FBXO2: variants seen among roughly 807,000 people sequenced by gnomAD.
The protein encoded by FBXO2 is F-box protein 2, also known as F-box only protein 2.
A neutral mutation model predicts 38.6 loss-of-function variants in FBXO2; 32 were observed. That is an observed-to-expected ratio of 0.83 (90% CI 0.62 to 1.11). The LOEUF (loss-of-function observed/expected upper bound fraction) is 1.11. FBXO2 is among the 50% of genes most tolerant of loss of function. The probability of loss-of-function intolerance (pLI) is 0.00; values close to 1 mark genes in which losing one functional copy is unlikely to be tolerated. For synonymous variants in FBXO2, 189 were observed against 182.9 expected (o/e 1.03, Z -0.27); for missense variants, 450 against 418.3 (o/e 1.08, Z -0.66).
intron 2 of FBXO2, 89 bp from the exon 3 acceptor site, chr1:11,650,163 C>A: frequency 1.9e-6 from 3 of 1,562,608 alleles, no homozygotes; most frequent in South Asian, 1.2e-5. Context: ...GGGCAAAGGT[C>A]GCACTTGGTG....
chr1:11,654,228 C>T, intron 1 of FBXO2, 91 bp downstream of exon 1: 1 of 1,366,146 alleles, frequency 7.3e-7, no homozygotes, highest in African/African-American at 1.5e-5. Flanking sequence ...GTCTCCGGGT[C>T]CCCTCGCTCT....
intron 1 of FBXO2, 27 bp downstream of exon 1, chr1:11,654,292 G>A (rs1429833520): frequency 8.1e-6 from 12 of 1,489,060 alleles, no homozygotes; most frequent in Non-Finnish European, 1.1e-5. Flanking sequence ...CCTCCCCGCC[G>A]CAGCGAGCGG....
chr1:11,651,478 C>T (rs887529026), intron 1 of FBXO2, among the ~76,000 whole-genome samples: 3 of 152,162 alleles, frequency 2.0e-5, no homozygotes, highest in Non-Finnish European at 4.4e-5. Flanking sequence ...ACTTCATTTA[C>T]TCTTTAAATC....
chr1:11,653,466 G>C (rs570713947), intron 1 of FBXO2: 1 of 152,558 alleles, frequency 6.6e-6, no homozygotes, highest in Non-Finnish European at 1.5e-5. Context: ...GCCCTACAGA[G>C]GGTGTGGCCA....
Position 11,649,053 on chromosome 1 carries a change from C to A in FBXO2, c.756+34G>T, listed in dbSNP as rs1295099987. ...TCGAGCCACGCCCCTCATGTCCGTG[C>A]CCCACCCCTCCGCCCTGGGTCCCCC... On this transcript the variant is annotated intron_variant, in intron 5 of 5. Coordinates refer to ENST00000354287, the MANE Select transcript of FBXO2 (RefSeq NM_012168.6). 16 of 1,564,438 alleles carry A rather than the reference C, an allele frequency of 1.0e-5. No individual in the cohort carries two copies. The Admixed American group carries it at 2.5e-4, about 25-fold the overall frequency.
At chr1:11,649,064 C>T in intron 5 of FBXO2, 23 bp downstream of exon 5, 1 of 1,577,028 alleles carries the variant, frequency 6.3e-7, no homozygotes, top group African/African-American at 1.4e-5. Context: ...CCCACCCCTC[C>T]GCCCTGGGTC....
rs1166729494 is a variant in FBXO2 at position 11,650,656 on chromosome 1, C to T, written c.201G>A (p.Leu67=). Residue 67 remains leucine (L), a synonymous_variant, in exon 2 of 6, where the codon CTG becomes CTA. Coordinates refer to ENST00000354287, the MANE Select transcript of FBXO2 (RefSeq NM_012168.6). ...GGCACACCAGGCGGCAGGCCTGCAC[C>T]AGCTCGGCGGCCGGCAGTGCGGCCA... ...RVLAALPAAE[L]VQACRLVCLR... 6.4e-7 allele frequency: 1 copy of T among 1,556,192 alleles called. No individual in the cohort carries two copies. The highest frequency in any genetic ancestry group is 1.9e-5 in the Admixed American group (1 of 53,756).
intron 1 of FBXO2, among the ~76,000 whole-genome samples, chr1:11,651,098 G>A (rs1639513579): frequency 6.6e-6 from 1 of 152,192 alleles, no homozygotes; most frequent in Non-Finnish European, 1.5e-5. Context: ...TGGGCAGATG[G>A]CAACAAGGAT....
At chr1:11,653,731 C>T (rs1357318957) in intron 1 of FBXO2, among the ~76,000 whole-genome samples, 1 of 152,140 alleles carries the variant, frequency 6.6e-6, no homozygotes, top group Non-Finnish European at 1.5e-5. Flanking sequence ...GGTGAGGGGT[C>T]TTGGGTGCCA....
In FBXO2 at chr1:11,649,113, C is replaced by A; in HGVS notation, c.730G>T (p.Asp244Tyr). The change falls in exon 5 of 6, where the codon GAC (aspartate) becomes TAC (tyrosine). Residue 244 changes from aspartate to tyrosine, a missense_variant. Transcript: ENST00000354287. ...FSSGQVAVPQ[D>Y]SDGGGWMEIS... ...TCCATCCAGCCCCCGCCGTCACTGT[C>A]TTGGGGCACTGCCACCTGCCCGCTG... The A allele has an allele frequency of 6.3e-7, 1 of 1,599,110 alleles. No homozygotes were observed. The highest frequency in any genetic ancestry group is 1.7e-5 in the Admixed American group (1 of 58,772).
chr1:11,649,810 T>C lies in FBXO2; in HGVS notation c.586A>G (p.Thr196Ala). ...TTCACCACGATGGCCGGCTGAGTCG[T>C]GTCCAGCAGCTCCTCCCAGTAGCCC... ...AEGYWEELLD[T>A]TQPAIVVKDW... Residue 196 changes from threonine to alanine, a missense_variant, in exon 4 of 6, where the codon ACG (threonine) becomes GCG (alanine). Thr to Ala is a moderately conservative substitution (Grantham distance 58, BLOSUM62 0). Transcript: ENST00000354287. 1.2e-6 allele frequency: 2 copies of C among 1,613,976 alleles called. No individual in the cohort carries two copies. The highest frequency in any genetic ancestry group is 1.7e-6 in the Non-Finnish European group (2 of 1,180,002).
intron 4 of FBXO2, 32 bp from the exon 5 acceptor site, chr1:11,649,257 G>T: frequency 7.0e-7 from 1 of 1,426,806 alleles, no homozygotes; most frequent in Non-Finnish European, 9.5e-7. Context: ...GGTGGGGGGC[G>T]GGAGGTGGGG....
Position 11,650,474 on chromosome 1 carries a change from C to T in FBXO2, c.383G>A (p.Cys128Tyr). ...CAGCGAGGGCCTCTCACCTTCCCCA[C>T]ACGGGTTACGCAGAAGGTTGCGGCG... Reference protein sequence around the residue: ...KRRRNLLRNPCGEEDLEGWCD... With the variant: ...KRRRNLLRNPYGEEDLEGWCD... Residue 128 changes from cysteine (C) to tyrosine (Y), a missense_variant, in exon 2 of 6, where the codon TGT (cysteine) becomes TAT (tyrosine). Coordinates refer to ENST00000354287, the MANE Select transcript of FBXO2 (RefSeq NM_012168.6). The T allele has an allele frequency of 6.2e-7, 1 of 1,609,398 alleles. No homozygotes were observed. The highest frequency in any genetic ancestry group is 8.5e-7 in the Non-Finnish European group (1 of 1,178,562).
chr1:11,651,452 C>T lies in FBXO2; in HGVS notation c.23-618G>A, dbSNP rs188825391. Among the ~76,000 whole-genome samples, 9 of 152,284 alleles carry T rather than the reference C, an allele frequency of 5.9e-5. No homozygotes were observed. The East Asian group carries it at 9.6e-4, about 16-fold the overall frequency. ...GGGGCACTCATCAAGTGTTAGGCACCGTCCAAAGCATTTCAACTTCATTTA... is the reference window on the plus strand; with the variant it reads ...GGGGCACTCATCAAGTGTTAGGCACTGTCCAAAGCATTTCAACTTCATTTA... On this transcript the variant is annotated intron_variant, in intron 1 of 5. Coordinates refer to ENST00000354287, the MANE Select transcript of FBXO2 (RefSeq NM_012168.6).
intron 2 of FBXO2, 50 bp downstream of exon 2, chr1:11,650,416 G>A (rs770960297): frequency 5.1e-6 from 8 of 1,579,516 alleles, no homozygotes; most frequent in Middle Eastern, 1.7e-4. Flanking sequence ...CGCCGTTTCG[G>A]CCCATTTCGC....
At chr1:11,654,239 C>A in intron 1 of FBXO2, 80 bp downstream of exon 1, 1 of 1,440,638 alleles carries the variant, frequency 6.9e-7, no homozygotes, top group South Asian at 1.3e-5. Context: ...CCCTCGCTCT[C>A]TGACGCCCCT....
rs146029755 is a variant in FBXO2, at chr1:11,648,796, G to A, written c.789C>T (p.Gly263=). 8 of 1,613,610 alleles carry A rather than the reference G, an allele frequency of 5.0e-6. No individual in the cohort carries two copies. The highest frequency in any genetic ancestry group is 3.3e-5 in the Admixed American group (2 of 60,008). Residue 263 remains glycine, a synonymous_variant, in exon 6 of 6, where the codon GGC becomes GGT. Transcript: ENST00000354287. The surrounding 1 kb of genome is among the most constrained non-coding windows in gnomAD (Gnocchi z 4.2). ...CGTGCTCGAAGCGGACGAAGCGGAC[G>A]CCCGGCCCGTAGTCGGTGAAGGTGT... ...ISHTFTDYGP[G]VRFVRFEHGG...
At chr1:11,652,603 C>A (rs1301899382) in intron 1 of FBXO2, among the ~76,000 whole-genome samples, 1 of 152,208 alleles carries the variant, frequency 6.6e-6, no homozygotes, top group African/African-American at 2.4e-5. Context: ...ACCGAGTGCC[C>A]AAGATGCCTG....
At chr1:11,650,994 C>T (rs1330128947) in intron 1 of FBXO2, among the ~76,000 whole-genome samples, 160 bp from the exon 2 acceptor site, 2 of 152,200 alleles carry the variant, frequency 1.3e-5, no homozygotes, top group African/African-American at 4.8e-5. Flanking sequence ...AGGAGGAGGG[C>T]CACAAGGCCA....
Sources: allele counts gnomAD v4.1 joint callset (sites outside exome capture counted in the v4.1 genomes callset), GRCh38; gene constraint gnomAD v4.1.1; non-coding constraint Gnocchi (gnomAD v3.1); transcripts MANE v1.5; gene names NCBI Gene and HGNC (gene_info 2026-07-23, HGNC 2026-07-21).